Variants in DMP1 observed in about 807,000 individuals in gnomAD.
The protein encoded by DMP1 is dentin matrix acidic phosphoprotein 1.
A neutral mutation model predicts 14.6 loss-of-function variants in DMP1; 20 were observed. The ratio of observed to expected loss-of-function variants is 1.37; its 90% CI spans 0.96 to 1.99. The LOEUF is 1.99. Among genes scored for constraint, DMP1 ranks in the 30% most tolerant of loss-of-function variants. DMP1 has a pLI of 0.00. For synonymous variants in DMP1, 197 were observed against 215.3 expected (o/e 0.91, Z 0.75); for missense variants, 567 against 620.5 (o/e 0.91, Z 0.92).
chr4:87,654,865 C>A (rs942159255), intron 1 of DMP1, among the ~76,000 whole-genome samples: 1 of 152,132 alleles, frequency 6.6e-6, no homozygotes, highest in Non-Finnish European at 1.5e-5. Context: ...TAGTTCTGTC[C>A]TTTGTCCTGA....
Position 87,656,542 on chromosome 4 carries a change from T to G in DMP1, c.50T>G (p.Leu17Arg). ...TTCCTTTGGGGATTATCCTGTGCTCTCCCAGTAAGTATTAGGGTAGGGATA... is the reference window on the plus strand; with the variant it reads ...TTCCTTTGGGGATTATCCTGTGCTCGCCCAGTAAGTATTAGGGTAGGGATA... ...LMFLWGLSCA[L>R]PVTRYQNNES... Residue 17 changes from leucine to arginine, a missense_variant, in exon 2 of 6, where the codon CTC (leucine) becomes CGC (arginine). By Grantham distance (102) the Leu-to-Arg change is moderately radical. Transcript: ENST00000339673. 1 of 1,604,318 alleles carries G rather than the reference T, an allele frequency of 6.2e-7. No individual in the cohort carries two copies. Among genetic ancestry groups the G allele is most frequent in the Non-Finnish European group, 8.5e-7 (1 of 1,171,250 alleles).
Position 87,662,604 on chromosome 4 carries a change from G to A in DMP1, c.826G>A (p.Glu276Lys). 6.2e-7 allele frequency: 1 copy of A among 1,614,154 alleles called. No homozygotes were observed. Among genetic ancestry groups the A allele is most frequent in the Non-Finnish European group, 8.5e-7 (1 of 1,180,020 alleles). ...TTTTAGGAAGTCTCGCATCTCAGAGGAAGATGACAGAAGCGAGCTTGATGA... is the reference window on the plus strand; with the variant it reads ...TTTTAGGAAGTCTCGCATCTCAGAGAAAGATGACAGAAGCGAGCTTGATGA... Reference protein sequence around the residue: ...KIFRKSRISEEDDRSELDDNN... With the variant: ...KIFRKSRISEKDDRSELDDNN... Residue 276 changes from glutamate (E) to lysine (K), a missense_variant, in exon 6 of 6, where the codon GAA (glutamate) becomes AAA (lysine). Transcript: ENST00000339673.
chr4:87,656,124 C>T (rs536317225), intron 1 of DMP1, among the ~76,000 whole-genome samples: 8 of 152,308 alleles, frequency 5.3e-5, no homozygotes, highest in Admixed American at 4.6e-4. Flanking sequence ...ACCCCTCAAC[C>T]TCCCATCTGC....
At chr4:87,652,039 AAACATTTGGCTCTTTTC>A (rs1222415527) in intron 1 of DMP1, among the ~76,000 whole-genome samples, 2 of 152,188 alleles carry the variant, frequency 1.3e-5, no homozygotes, top group Non-Finnish European at 2.9e-5. Flanking sequence ...TCCACATTCT[AAACATTTGGCTCTTTTC>A]AACTCTATGA....
rs1301381465 is a variant in DMP1 at position 87,657,014 on chromosome 4, G to A, written c.55-18G>A. On this transcript the variant is annotated intron_variant, in intron 2 of 5. Transcript: ENST00000339673. ...AGAAATTTCTCTTTGGATTTACCAT[G>A]TGTACTAAATTTTCTAGGTAACCAG... is the stretch of plus-strand genomic sequence containing the variant. The A allele has an allele frequency of 1.4e-6, 2 of 1,451,330 alleles. No individual in the cohort carries two copies. The highest frequency in any genetic ancestry group is 2.3e-5 in the East Asian group (1 of 44,074). The allele number at this position is 1,451,330 out of a possible 1,614,324, so 89.9% of individuals were successfully genotyped here.
intron 5 of DMP1, chr4:87,660,591 C>G (rs1035141846): frequency 1.3e-5 from 2 of 152,318 alleles, no homozygotes; most frequent in Admixed American, 1.3e-4. Flanking sequence ...CAGGTATGCT[C>G]TGTTGTAGGG....
intron 3 of DMP1, among the ~76,000 whole-genome samples, chr4:87,658,402 T>C (rs2110013537): frequency 6.6e-6 from 1 of 152,360 alleles, no homozygotes; most frequent in Admixed American, 6.5e-5. Context: ...GGCATTCTTA[T>C]AGTGCTTATG....
chr4:87,659,535 T>C (rs1158271105), intron 5 of DMP1, 57 bp downstream of exon 5: 8 of 1,507,036 alleles, frequency 5.3e-6, no homozygotes, highest in Non-Finnish European at 4.6e-6. Flanking sequence ...AAGGAAATGA[T>C]GTTAGATTAA....
At chr4:87,660,335 G>A (rs532793352) in intron 5 of DMP1, among the ~76,000 whole-genome samples, 1 of 152,246 alleles carries the variant, frequency 6.6e-6, no homozygotes, top group Non-Finnish European at 1.5e-5. Context: ...TTCAAGTTAC[G>A]GTAGCAATTC....
In DMP1 at chr4:87,659,265, T is replaced by C. The variant is rs201895342; in HGVS notation, c.135+13T>C. 1 of 1,613,996 alleles carries C rather than the reference T, an allele frequency of 6.2e-7. No individual in the cohort carries two copies. Among genetic ancestry groups the C allele is most frequent in the East Asian group, 2.2e-5 (1 of 44,862 alleles). The stretch of plus-strand genomic sequence containing the variant: ...AACACCACCCTTGGTAACTATCTCA[T>C]TTACTTTTGTCATAAACATCTCATG... On this transcript the variant is annotated intron_variant, in intron 4 of 5. Transcript: ENST00000339673.
In DMP1 at chr4:87,659,253, G is replaced by T. The variant is rs141480996; in HGVS notation, c.135+1G>T. The T allele has an allele frequency of 1.3e-4, 209 of 1,613,770 alleles. No homozygotes were observed. Among genetic ancestry groups the T allele is most frequent in the Admixed American group, 6.7e-5 (4 of 59,992 alleles). On this transcript the variant is annotated splice_donor_variant, in intron 4 of 5. Transcript: ENST00000339673. LOFTEE classifies it high-confidence loss of function. ...GGCTCAGGCACCAACACCACCCTTG[G>T]TAACTATCTCATTTACTTTTGTCAT... is the stretch of plus-strand genomic sequence containing the variant.
intron 5 of DMP1, among the ~76,000 whole-genome samples, chr4:87,660,978 A>G (rs1728846239): frequency 6.6e-6 from 1 of 152,254 alleles, no homozygotes; most frequent in Non-Finnish European, 1.5e-5. Context: ...CAAACACTTT[A>G]ATGCATGAGC....
chr4:87,659,617 T>A, intron 5 of DMP1, 139 bp downstream of exon 5: 1 of 849,638 alleles, frequency 1.2e-6, no homozygotes, highest in Non-Finnish European at 2.0e-6. Flanking sequence ...TCCTATAAAG[T>A]AAGAAGAGAA....
chr4:87,661,078 G>A (rs145837802), intron 5 of DMP1, among the ~76,000 whole-genome samples: 2,256 of 151,686 alleles, frequency 0.015, 65 homozygotes, highest in African/African-American at 0.052. Context: ...TCGCTCTGTC[G>A]CCAGGCTGGA....
rs1020913344 is a variant in DMP1 at position 87,664,235 on chromosome 4, C to T, written c.*915C>T. The T allele has an allele frequency of 6.6e-6, 1 of 152,496 alleles. No homozygotes were observed. Among genetic ancestry groups the T allele is most frequent in the African/African-American group, 2.4e-5 (1 of 41,416 alleles). The allele number at this position is 152,496 out of a possible 1,614,324, so 9.4% of individuals were successfully genotyped here. On this transcript the variant is annotated 3_prime_UTR_variant, in exon 6 of 6. Coordinates refer to ENST00000339673, the MANE Select transcript of DMP1 (RefSeq NM_004407.4). ...CGTGCAATGCTAGAAAAAAACTGTT[C>T]TCTGAGTCCTTTACAGAGCAAAATT... is the stretch of plus-strand genomic sequence containing the variant.
At chr4:87,650,576 G>A (rs1018482703) in intron 1 of DMP1, among the ~76,000 whole-genome samples, 192 bp downstream of exon 1, 9 of 152,244 alleles carry the variant, frequency 5.9e-5, no homozygotes, top group African/African-American at 2.2e-4. Context: ...AAAATGACAT[G>A]TTAAGACAAT....
intron 1 of DMP1, among the ~76,000 whole-genome samples, chr4:87,653,412 T>TC (rs1377466388): frequency 1.7e-5 from 2 of 117,078 alleles, no homozygotes; most frequent in African/African-American, 7.3e-5. Context: ...TATATATATA[T>TC]ATATATATAT....
intron 1 of DMP1, among the ~76,000 whole-genome samples, chr4:87,652,685 T>G (rs1728556775): frequency 1.3e-5 from 2 of 152,130 alleles, no homozygotes; most frequent in South Asian, 4.1e-4. Flanking sequence ...CAACGTTCAT[T>G]GGTTTAGAAT....
Position 87,662,689 on chromosome 4 carries a change from C to A in DMP1, c.911C>A (p.Thr304Asn), listed in dbSNP as rs1211334720. Residue 304 changes from threonine (T) to asparagine (N), a missense_variant, in exon 6 of 6, where the codon ACT becomes AAT. Transcript: ENST00000339673. ...DSTENSNSRD[T>N]GLSQPRRDSK... The stretch of plus-strand genomic sequence containing the variant: ...ACAGAAAACAGCAACTCCAGAGACA[C>A]TGGCCTCAGCCAACCCAGGAGAGAC... The A allele has an allele frequency of 1.2e-6, 2 of 1,614,170 alleles. No homozygotes were observed. The highest frequency in any genetic ancestry group is 1.7e-6 in the Non-Finnish European group (2 of 1,180,036).
Sources: allele counts gnomAD v4.1 joint callset (sites outside exome capture counted in the v4.1 genomes callset), GRCh38; gene constraint gnomAD v4.1.1; transcripts MANE v1.5; gene names NCBI Gene and HGNC (gene_info 2026-07-23, HGNC 2026-07-21).